Variants in NCAM2 observed in about 807,000 individuals in gnomAD.
NCAM2 encodes neural cell adhesion molecule 2, also known as N-CAM-2.
Under a neutral mutation model 98.1 loss-of-function variants are expected in NCAM2, and 30 were observed. That is an observed-to-expected ratio of 0.31 (90% confidence interval 0.23 to 0.41). The LOEUF (loss-of-function observed/expected upper bound fraction) is 0.41, where lower values mean the gene tolerates loss of function less well. NCAM2 is among the 10% of genes least tolerant of loss of function. NCAM2 has a pLI of 1.00. For synonymous variants in NCAM2, 368 were observed against 342.4 expected, an observed-to-expected ratio of 1.07 and a Z score of -0.83; for missense variants, 867 against 1,005.8, an observed-to-expected ratio of 0.86 and a Z score of 1.87.
intron 1 of NCAM2, among the ~76,000 whole-genome samples, chr21:21,274,675 A>G (rs2072656778): frequency 6.6e-6 from 1 of 152,214 alleles, no homozygotes; most frequent in African/African-American, 2.4e-5. Context: ...ATTTTCTATA[A>G]TTACTAAATA....
chr21:21,476,414 C>A lies in NCAM2; in HGVS notation c.1897-877C>A, dbSNP rs138843267. On this transcript the variant is annotated intron_variant, in intron 14 of 17. Coordinates refer to ENST00000400546, the MANE Select transcript of NCAM2 (RefSeq NM_004540.5). ...TTTTCCTCATTGCTTTTCCAAAAAC[C>A]TGACAGAAGCAGCTGCTACCATCAC... Among the ~76,000 whole-genome samples, 87 of 152,024 alleles carry A rather than the reference C, an allele frequency of 5.7e-4. 1 individual carries two copies. Among genetic ancestry groups the A allele is most frequent in the African/African-American group, 2.0e-3 (82 of 41,496 alleles).
chr21:21,155,063 C>T (rs2067571607), intron 1 of NCAM2, among the ~76,000 whole-genome samples: 1 of 151,424 alleles, frequency 6.6e-6, no homozygotes, highest in Non-Finnish European at 1.5e-5. Context: ...TGCAGTATTG[C>T]AAACAAGATT....
At chr21:21,298,014 G>A (rs971222810) in intron 5 of NCAM2, among the ~76,000 whole-genome samples, 5 of 151,688 alleles carry the variant, frequency 3.3e-5, no homozygotes, top group Non-Finnish European at 7.4e-5. Context: ...AACAGTGGGT[G>A]ATAATGGCCA....
chr21:21,036,333 A>G (rs568404649), intron 1 of NCAM2, among the ~76,000 whole-genome samples: 2 of 152,308 alleles, frequency 1.3e-5, no homozygotes, highest in South Asian at 4.1e-4. Context: ...CAGGAGGCAC[A>G]CAAAATCTGA....
chr21:21,161,000 T>C (rs543877736), intron 1 of NCAM2, among the ~76,000 whole-genome samples: 1 of 152,164 alleles, frequency 6.6e-6, no homozygotes, highest in African/African-American at 2.4e-5. Context: ...CTCCATACTG[T>C]AACAAAGAAG....
At chr21:21,251,617 C>T (rs766885123) in intron 1 of NCAM2, among the ~76,000 whole-genome samples, 59 of 152,128 alleles carry the variant, frequency 3.9e-4, no homozygotes, top group Middle Eastern at 3.4e-3. Context: ...AGTAAACATA[C>T]GTGTGCCTTT....
chr21:21,173,422 G>A (rs2068184250), intron 1 of NCAM2, among the ~76,000 whole-genome samples: 1 of 152,116 alleles, frequency 6.6e-6, no homozygotes, highest in Non-Finnish European at 1.5e-5. Context: ...GTTGTCAATA[G>A]CAATGAACCT....
intron 5 of NCAM2, among the ~76,000 whole-genome samples, chr21:21,319,518 G>A (rs2074316738): frequency 6.6e-6 from 1 of 152,156 alleles, no homozygotes; most frequent in African/African-American, 2.4e-5. Flanking sequence ...GCGCGTGCCT[G>A]TAGTCCCAGC....
chr21:21,326,920 T>C (rs981421335), intron 6 of NCAM2, among the ~76,000 whole-genome samples: 9 of 152,072 alleles, frequency 5.9e-5, no homozygotes, highest in African/African-American at 2.2e-4. Flanking sequence ...TTCCTGAAAG[T>C]ATCAGGAAAT....
At chr21:21,510,824 A>T (rs564104860) in intron 16 of NCAM2, among the ~76,000 whole-genome samples, 1 of 152,158 alleles carries the variant, frequency 6.6e-6, no homozygotes, top group African/African-American at 2.4e-5. Context: ...AGCTATTATC[A>T]GTGTACAGTT....
At chr21:21,212,844 G>A (rs956121951) in intron 1 of NCAM2, among the ~76,000 whole-genome samples, 1 of 149,176 alleles carries the variant, frequency 6.7e-6, no homozygotes, top group Admixed American at 6.9e-5. Context: ...CCGGGCTCAC[G>A]CCATTCTCCT....
chr21:21,343,950 T>A (rs1166825763), intron 8 of NCAM2, among the ~76,000 whole-genome samples: 1 of 152,100 alleles, frequency 6.6e-6, no homozygotes, highest in Admixed American at 6.6e-5. Flanking sequence ...TTCCCTCCCC[T>A]AACCCCAGCC....
At chr21:21,476,685 ATGTT>A (rs1327327860) in intron 14 of NCAM2, among the ~76,000 whole-genome samples, 5 of 152,058 alleles carry the variant, frequency 3.3e-5, no homozygotes, top group African/African-American at 9.6e-5. Context: ...TAAGTGTAGA[ATGTT>A]TGAGAATAGG....
intron 1 of NCAM2, among the ~76,000 whole-genome samples, chr21:21,052,997 A>G (rs1220632152): frequency 6.6e-6 from 1 of 152,020 alleles, no homozygotes; most frequent in Non-Finnish European, 1.5e-5. Flanking sequence ...CCACTTGTTT[A>G]TGCTTTAAGA....
At chr21:21,127,437 ATTAT>A (rs1225440610) in intron 1 of NCAM2, among the ~76,000 whole-genome samples, 2 of 152,028 alleles carry the variant, frequency 1.3e-5, no homozygotes, top group African/African-American at 4.8e-5. Context: ...CATCTCAAAC[ATTAT>A]TTATTTATTT....
At chr21:21,506,126 C>A (rs1043187432) in intron 15 of NCAM2, among the ~76,000 whole-genome samples, 1 of 152,058 alleles carries the variant, frequency 6.6e-6, no homozygotes, top group East Asian at 1.9e-4. Flanking sequence ...TTGCCTAGAA[C>A]TATCTGCATG....
intron 1 of NCAM2, among the ~76,000 whole-genome samples, chr21:21,098,510 A>T (rs1175921681): frequency 1.3e-5 from 2 of 151,782 alleles, no homozygotes; most frequent in East Asian, 3.9e-4. Context: ...TAATTCTTGA[A>T]TTTTTTATGG....
intron 12 of NCAM2, among the ~76,000 whole-genome samples, chr21:21,461,514 A>G (rs1982972698): frequency 6.6e-6 from 1 of 151,946 alleles, no homozygotes; most frequent in Non-Finnish European, 1.5e-5. Flanking sequence ...TAATGCCATC[A>G]ACATATTGTT....
chr21:21,508,336 G>C (rs949042831), intron 15 of NCAM2, among the ~76,000 whole-genome samples: 2 of 152,072 alleles, frequency 1.3e-5, no homozygotes, highest in African/African-American at 4.8e-5. Flanking sequence ...TACATTCTCT[G>C]TTAAAATAAC....
Sources: allele counts gnomAD v4.1 joint callset (sites outside exome capture counted in the v4.1 genomes callset), GRCh38; gene constraint gnomAD v4.1.1; transcripts MANE v1.5; gene names NCBI Gene and HGNC (gene_info 2026-07-23, HGNC 2026-07-21).